The following CTNNA3 variants were observed in gnomAD, a reference collection of about 807,000 sequenced individuals.
CTNNA3 encodes catenin alpha-3.
In CTNNA3, 76 loss-of-function variants were observed where a neutral mutation model predicts 95.7. The observed-to-expected ratio is 0.79, with a 90% confidence interval of 0.66 to 0.96. The LOEUF is 0.96. Among genes scored for constraint, CTNNA3 ranks in the 40% least tolerant of loss-of-function variants. The pLI, the probability that CTNNA3 is intolerant of heterozygous loss-of-function variation, is 0.00. For synonymous variants in CTNNA3, 431 were observed against 374.4 expected (o/e 1.15, Z -1.74); for missense variants, 1,191 against 1,089.8 (o/e 1.09, Z -1.31).
chr10:67,326,463 T>C (rs1411836042), intron 5 of CTNNA3, among the ~76,000 whole-genome samples: 1 of 152,202 alleles, frequency 6.6e-6, no homozygotes, highest in African/African-American at 2.4e-5. Flanking sequence ...AAAAGGATCT[T>C]ATTTCTCCTT....
chr10:66,560,083 A>G (rs992343242), intron 10 of CTNNA3, among the ~76,000 whole-genome samples: 1 of 152,134 alleles, frequency 6.6e-6, no homozygotes, highest in Admixed American at 6.6e-5. Context: ...GAAAAAAGCC[A>G]TAATATGCTT....
At chr10:66,522,239 A>C (rs1841092541) in intron 10 of CTNNA3, among the ~76,000 whole-genome samples, 1 of 152,056 alleles carries the variant, frequency 6.6e-6, no homozygotes, top group African/African-American at 2.4e-5. Flanking sequence ...ATATTTTTTA[A>C]AGCATCAGTG....
chr10:67,441,458 A>G (rs1387538086), intron 5 of CTNNA3, among the ~76,000 whole-genome samples: 1 of 152,120 alleles, frequency 6.6e-6, no homozygotes, highest in Non-Finnish European at 1.5e-5. Context: ...CAAATACAAG[A>G]AGACTATAGA....
intron 17 of CTNNA3, among the ~76,000 whole-genome samples, chr10:65,958,445 T>A (rs2077777014): frequency 6.6e-6 from 1 of 152,220 alleles, no homozygotes; most frequent in Non-Finnish European, 1.5e-5. Flanking sequence ...AGGCGCTGCG[T>A]TCCTTTGTAG....
intron 5 of CTNNA3, among the ~76,000 whole-genome samples, chr10:67,231,000 C>G (rs928173524): frequency 6.6e-6 from 1 of 152,226 alleles, no homozygotes; most frequent in Admixed American, 6.5e-5. Context: ...GAGACTGTGT[C>G]CCGCACCTGG....
intron 2 of CTNNA3, among the ~76,000 whole-genome samples, chr10:67,636,713 C>T (rs188624177): frequency 8.0e-4 from 122 of 152,240 alleles, no homozygotes; most frequent in South Asian, 1.0e-3. Context: ...CACCAATATT[C>T]GCTGTTCTGC....
chr10:66,293,698 T>C (rs1325192884), intron 12 of CTNNA3, among the ~76,000 whole-genome samples: 1 of 151,156 alleles, frequency 6.6e-6, no homozygotes, highest in Admixed American at 6.6e-5. Flanking sequence ...TGAACTCTTA[T>C]TCTGTCGCCC....
At chr10:67,233,004 C>T (rs1261675441) in intron 5 of CTNNA3, among the ~76,000 whole-genome samples, 1 of 152,186 alleles carries the variant, frequency 6.6e-6, no homozygotes, top group African/African-American at 2.4e-5. Context: ...CACCCAGATT[C>T]GTAAAGCAAG....
chr10:66,469,861 GA>G (rs1254712407), intron 11 of CTNNA3, among the ~76,000 whole-genome samples: 1 of 151,788 alleles, frequency 6.6e-6, no homozygotes, highest in African/African-American at 2.4e-5. Flanking sequence ...GCAGATACGA[GA>G]CTTAATTGAA....
chr10:66,378,681 T>C (rs1237020426), intron 12 of CTNNA3, among the ~76,000 whole-genome samples: 3 of 152,196 alleles, frequency 2.0e-5, no homozygotes, highest in South Asian at 2.1e-4. Context: ...AAGAAGATTA[T>C]GTGCAAGAAC....
chr10:67,655,167 T>C (rs966312427), intron 1 of CTNNA3, among the ~76,000 whole-genome samples: 1 of 152,228 alleles, frequency 6.6e-6, no homozygotes, highest in African/African-American at 2.4e-5. Flanking sequence ...TGCACATTCA[T>C]ATATGTTTGA....
intron 13 of CTNNA3, among the ~76,000 whole-genome samples, chr10:66,273,553 G>A (rs1177487306): frequency 2.6e-5 from 4 of 152,102 alleles, no homozygotes; most frequent in African/African-American, 9.7e-5. Context: ...TACAGCTGAT[G>A]AATTTCAACA....
intron 5 of CTNNA3, among the ~76,000 whole-genome samples, chr10:67,442,757 A>G (rs1589294229): frequency 6.6e-6 from 1 of 152,088 alleles, no homozygotes; most frequent in Non-Finnish European, 1.5e-5. Context: ...AGACCTCAAT[A>G]TAATAACAAC....
intron 7 of CTNNA3, among the ~76,000 whole-genome samples, chr10:66,943,658 C>T (rs530003907): frequency 2.0e-5 from 3 of 152,028 alleles, no homozygotes; most frequent in Non-Finnish European, 4.4e-5. Flanking sequence ...AAACATGCTA[C>T]TTAAACATAG....
At chr10:67,535,563 C>T (rs1234009625) in intron 4 of CTNNA3, among the ~76,000 whole-genome samples, 2 of 151,910 alleles carry the variant, frequency 1.3e-5, no homozygotes, top group East Asian at 1.9e-4. Context: ...CAATATGAAC[C>T]AACAACATGA....
At chr10:66,059,356 T>G (rs1027613437) in intron 15 of CTNNA3, among the ~76,000 whole-genome samples, 3 of 152,160 alleles carry the variant, frequency 2.0e-5, no homozygotes, top group African/African-American at 7.2e-5. Flanking sequence ...GTTCTTTTAT[T>G]GTCTGTTCAA....
chr10:67,224,230 T>A lies in CTNNA3; in HGVS notation c.580-4360A>T, dbSNP rs2132277084. On this transcript the variant is annotated intron_variant, in intron 5 of 17. Transcript: ENST00000433211. ...TCTTATAATTGAAAGTGTATACCCT[T>A]TGACCAATATGTCCCCGTTTCCCCC... is the stretch of plus-strand genomic sequence containing the variant. Among the ~76,000 whole-genome samples, 2 of 152,338 alleles carry A rather than the reference T, an allele frequency of 1.3e-5. 1 individual carries two copies. The highest frequency in any genetic ancestry group is 4.1e-4 in the South Asian group (2 of 4,830).
intron 12 of CTNNA3, among the ~76,000 whole-genome samples, chr10:66,333,596 G>C (rs912395943): frequency 6.6e-6 from 1 of 152,136 alleles, no homozygotes; most frequent in African/African-American, 2.4e-5. Flanking sequence ...CTGAGAGACA[G>C]TTTTTTACAA....
chr10:66,030,020 G>A (rs981483602), intron 15 of CTNNA3, among the ~76,000 whole-genome samples: 9 of 151,884 alleles, frequency 5.9e-5, no homozygotes, highest in Admixed American at 5.2e-4. Context: ...TATACAAGGA[G>A]GTGAAAGATC....
Sources: gnomAD v4.1 joint callset for allele counts (sites outside exome capture counted in the v4.1 genomes callset) on GRCh38, gnomAD v4.1.1 for gene constraint, MANE v1.5 for transcripts, NCBI Gene and HGNC (gene_info 2026-07-23, HGNC 2026-07-21) for gene names.